The following USF2 variants were observed in gnomAD, a reference collection of about 807,000 sequenced individuals.
USF2 encodes the protein upstream transcription factor 2, c-fos interacting.
A neutral mutation model predicts 46.9 loss-of-function variants in USF2; 16 were observed. That is an observed-to-expected ratio of 0.34 (90% CI 0.23 to 0.52). The LOEUF (loss-of-function observed/expected upper bound fraction) is 0.52. Among genes scored for constraint, USF2 ranks in the 20% least tolerant of loss-of-function variants. The pLI is 0.96. For synonymous variants in USF2, 239 were observed against 194.1 expected (o/e 1.23, Z -1.92); for missense variants, 411 against 474.0 (o/e 0.87, Z 1.23).
Position 35,278,602 on chromosome 19 carries a change from T to C in USF2, c.728-96T>C, listed in dbSNP as rs983748222. On this transcript the variant is annotated intron_variant, in intron 7 of 9. Coordinates refer to ENST00000222305, the MANE Select transcript of USF2 (RefSeq NM_003367.4). ...GTGGTCTCGGTGGGGCCTGCACTGT[T>C]CCTGGGTGTCCTTGGGCTGAGCCTC... 30 of 1,310,254 alleles carry C rather than the reference T, an allele frequency of 2.3e-5. No homozygotes were observed. In the Admixed American group the frequency reaches 4.8e-4, roughly 21 times the overall value. 81.2% of individuals were successfully genotyped at this position (1,310,254 alleles called of 1,614,324 possible).
rs776138239 is a variant in USF2, at chr19:35,270,443, C to T, written c.430-4C>T. On this transcript the variant is annotated splice_region_variant and splice_polypyrimidine_tract_variant and intron_variant, in intron 4 of 9. Coordinates refer to ENST00000222305, the MANE Select transcript of USF2 (RefSeq NM_003367.4). The stretch of plus-strand genomic sequence containing the variant: ...AGGGTAGCCTCTGCCCTCCTACTCC[C>T]CAGGCTGTGATCCAAAATCCCTTCA... 3 of 1,611,428 alleles carry T rather than the reference C, an allele frequency of 1.9e-6. No individual in the cohort carries two copies. The highest frequency in any genetic ancestry group is 3.3e-5 in the Admixed American group (2 of 59,914).
intron 7 of USF2, among the ~76,000 whole-genome samples, chr19:35,276,496 C>T (rs528398661): frequency 1.3e-5 from 2 of 152,296 alleles, no homozygotes; most frequent in Admixed American, 6.5e-5. Context: ...ACAGCATTAC[C>T]GCCTGCTAAT....
At chr19:35,272,113 G>A (rs1038152702) in intron 7 of USF2, among the ~76,000 whole-genome samples, 1 of 152,190 alleles carries the variant, frequency 6.6e-6, no homozygotes, top group Non-Finnish European at 1.5e-5. Flanking sequence ...TGTGTTCTGA[G>A]CAGCTCCTCC....
intron 7 of USF2, among the ~76,000 whole-genome samples, chr19:35,274,180 A>T (rs1047298391): frequency 3.9e-5 from 6 of 152,144 alleles, no homozygotes; most frequent in African/African-American, 1.4e-4. Context: ...CTCAAACTCA[A>T]CTCGCCCAAA....
In USF2 at chr19:35,270,603, GAGT is replaced by G; in HGVS notation, c.580+9_580+11del. On this transcript the variant is annotated splice_region_variant and intron_variant, in intron 5 of 9. Transcript: ENST00000222305. ...CCAGAGCTTGCAGGCTGGAGGTGAG[GAGT>G]AGAAGTCAGATTGGCAGGTGGGGGA... 6.2e-7 allele frequency: 1 copy of G among 1,613,212 alleles called. No individual in the cohort carries two copies.
chr19:35,269,180 G>A lies in USF2; in HGVS notation c.62+17G>A, dbSNP rs2066099580. ...CGCCGCCAGGTAAGATCCCCGGCCC[G>A]GCCGTGCCCCCGCGCCCCGGCCCCG... On this transcript the variant is annotated intron_variant, in intron 1 of 9. Transcript: ENST00000222305. The A allele has an allele frequency of 1.2e-5, 12 of 989,222 alleles. No homozygotes were observed. The South Asian group carries it at 4.3e-4, about 35-fold the overall frequency. 61.3% of individuals were successfully genotyped at this position (989,222 alleles called of 1,614,324 possible).
Position 35,279,390 on chromosome 19 carries a change from G to C in USF2, c.*134G>C. The C allele has an allele frequency of 1.0e-6, 1 of 997,160 alleles. No homozygotes were observed. Among genetic ancestry groups the C allele is most frequent in the Non-Finnish European group, 1.4e-6 (1 of 719,136 alleles). 61.8% of individuals were successfully genotyped at this position (997,160 alleles called of 1,614,324 possible). ...TTATAGTAGATTTTTAACAAAAAAC[G>C]GGGAGAAATAATGCATTTCTGTGGA... is the stretch of plus-strand genomic sequence containing the variant. On this transcript the variant is annotated 3_prime_UTR_variant, in exon 10 of 10. Coordinates refer to ENST00000222305, the MANE Select transcript of USF2 (RefSeq NM_003367.4).
intron 7 of USF2, among the ~76,000 whole-genome samples, chr19:35,276,181 C>T (rs933523486): frequency 1.3e-5 from 2 of 148,924 alleles, no homozygotes; most frequent in African/African-American, 2.5e-5. Context: ...AAGCAATTCT[C>T]GTGCTTCAGC....
At chr19:35,278,816 T>A (rs1568462547) in intron 8 of USF2, 24 bp downstream of exon 8, 1 of 1,613,420 alleles carries the variant, frequency 6.2e-7, no homozygotes, top group Admixed American at 1.7e-5. Flanking sequence ...ACCCTCAGTG[T>A]CTGCGGTGGT....
At chr19:35,276,008 A>G (rs1599631797) in intron 7 of USF2, 2 of 148,446 alleles carry the variant, frequency 1.3e-5, no homozygotes, top group African/African-American at 2.5e-5. Context: ...GTCTCTCACT[A>G]TATTTGTGGA....
In USF2 at chr19:35,269,897, C is replaced by CGG; in HGVS notation, c.329_330dup (p.Gln111GlyfsTer5). 1 of 1,400,216 alleles carries CGG rather than the reference C, an allele frequency of 7.1e-7. No individual in the cohort carries two copies. The highest frequency in any genetic ancestry group is 9.2e-7 in the Non-Finnish European group (1 of 1,086,308). 86.7% of individuals were successfully genotyped at this position (1,400,216 alleles called of 1,614,324 possible). A position where few individuals can be genotyped will look rare whatever the true frequency, so the allele number is the denominator to read the frequency against. ...AGCGTCGTGTCCACCGCTGCCTTCG[C>CGG]GGGGGGGCAGCAGGCTGTGACCCAG... On this transcript the variant is annotated frameshift_variant, in exon 4 of 10. Transcript: ENST00000222305. LOFTEE classifies it high-confidence loss of function.
At chr19:35,276,989 C>G (rs956842013) in intron 7 of USF2, 1 of 152,256 alleles carries the variant, frequency 6.6e-6, no homozygotes, top group Non-Finnish European at 1.5e-5. Flanking sequence ...TACCTGCAGC[C>G]GGCGCCCAGC....
In USF2 at chr19:35,279,167, A is replaced by G. The variant is rs763001272; in HGVS notation, c.952A>G (p.Ile318Val). The change falls in exon 10 of 10, where the codon ATC becomes GTC. Residue 318 changes from isoleucine to valine, a missense_variant and splice_region_variant. Transcript: ENST00000222305. ...QMDNELLRQQIEELKNENALL... is the reference protein window; with the variant it reads ...QMDNELLRQQVEELKNENALL... ...CCTTGACCTCCGTCGTGTCCGCCAGATCGAGGAGCTGAAGAATGAGAACGC... is the reference window on the plus strand; with the variant it reads ...CCTTGACCTCCGTCGTGTCCGCCAGGTCGAGGAGCTGAAGAATGAGAACGC... The G allele has an allele frequency of 1.2e-6, 2 of 1,609,488 alleles. No homozygotes were observed. The highest frequency in any genetic ancestry group is 1.7e-6 in the Non-Finnish European group (2 of 1,178,176).
chr19:35,276,657 T>G (rs940683025), intron 7 of USF2, among the ~76,000 whole-genome samples: 1 of 152,230 alleles, frequency 6.6e-6, no homozygotes, highest in Admixed American at 6.5e-5. Context: ...CCACCATTTC[T>G]GGGATCTTCC....
intron 7 of USF2, among the ~76,000 whole-genome samples, chr19:35,272,581 T>C (rs2066173013): frequency 4.6e-5 from 7 of 152,072 alleles, no homozygotes; most frequent in Admixed American, 4.6e-4. Context: ...GTGGAGGACC[T>C]TGGAAGAAGT....
chr19:35,278,900 G>T (rs754824537), intron 8 of USF2, 46 bp from the exon 9 acceptor site: 2 of 1,579,308 alleles, frequency 1.3e-6, no homozygotes, highest in African/African-American at 2.7e-5. Flanking sequence ...GGTGGAGGCC[G>T]GTGGGCGGTG....
At chr19:35,276,305 CAT>C (rs2066232965) in intron 7 of USF2, among the ~76,000 whole-genome samples, 1 of 152,162 alleles carries the variant, frequency 6.6e-6, no homozygotes, top group Non-Finnish European at 1.5e-5. Context: ...CTCCTGGCCT[CAT>C]GTGATCCACC....
chr19:35,269,955 C>T lies in USF2; in HGVS notation c.381C>T (p.Gly127=), dbSNP rs1007343002. 8 of 1,341,268 alleles carry T rather than the reference C, an allele frequency of 6.0e-6. No individual in the cohort carries two copies. The highest frequency in any genetic ancestry group is 6.6e-6 in the Non-Finnish European group (7 of 1,053,042). 83.1% of individuals were successfully genotyped at this position (1,341,268 alleles called of 1,614,324 possible). ...TGGACGGGGCAGCCCAGCGCCCGGG[C>T]CCCGCCGCTGCCTCTGTGCCCCCAG... ...VGVDGAAQRP[G]PAAASVPPGP... The change falls in exon 4 of 10, where the codon GGC becomes GGT. Residue 127 remains glycine (G), a synonymous_variant. Coordinates refer to ENST00000222305, the MANE Select transcript of USF2 (RefSeq NM_003367.4).
intron 1 of USF2, 74 bp from the exon 2 acceptor site, chr19:35,269,372 C>A: frequency 8.0e-7 from 1 of 1,255,928 alleles, no homozygotes; most frequent in Non-Finnish European, 1.0e-6. Context: ...GGACTGGGGC[C>A]CTGCAGCTGG....
Sources: allele counts gnomAD v4.1 joint callset (sites outside exome capture counted in the v4.1 genomes callset), GRCh38; gene constraint gnomAD v4.1.1; transcripts MANE v1.5; gene names NCBI Gene and HGNC (gene_info 2026-07-23, HGNC 2026-07-21).